Variants in ST6GALNAC3 observed in about 807,000 individuals in gnomAD.
ST6GALNAC3 encodes ST6 N-acetylgalactosaminide alpha-2,6-sialyltransferase 3.
In ST6GALNAC3, 25 loss-of-function variants were observed where a neutral mutation model predicts 32.7. The ratio of observed to expected loss-of-function variants is 0.76; its 90% CI spans 0.56 to 1.07. The LOEUF (loss-of-function observed/expected upper bound fraction) is 1.07, where lower values mean the gene tolerates loss of function less well. ST6GALNAC3 is among the 50% of genes least tolerant of loss of function. The probability of loss-of-function intolerance (pLI) is 0.00; values close to 1 mark genes in which losing one functional copy is unlikely to be tolerated. For missense variants in ST6GALNAC3, 355 were observed against 382.4 expected (o/e 0.93, Z 0.60); for synonymous variants, 129 against 133.1 (o/e 0.97, Z 0.21).
intron 3 of ST6GALNAC3, among the ~76,000 whole-genome samples, chr1:76,563,996 A>G (rs1665402773): frequency 6.6e-6 from 1 of 152,202 alleles, no homozygotes; most frequent in African/African-American, 2.4e-5. Flanking sequence ...GCCAAGAAGT[A>G]GACAAGAGGT....
chr1:76,306,015 AC>A, intron 1 of ST6GALNAC3: 1 of 479,038 alleles, frequency 2.1e-6, no homozygotes, highest in Non-Finnish European at 4.2e-6. Flanking sequence ...AAAAACTGGT[AC>A]CAGCCTTAGG....
At chr1:76,495,024 T>G (rs1202484750) in intron 3 of ST6GALNAC3, among the ~76,000 whole-genome samples, 1 of 152,150 alleles carries the variant, frequency 6.6e-6, no homozygotes, top group Admixed American at 6.6e-5. Flanking sequence ...GTCAGTCTTT[T>G]TGTTCTATTC....
chr1:76,389,993 A>G (rs1184382194), intron 2 of ST6GALNAC3, among the ~76,000 whole-genome samples: 1 of 152,142 alleles, frequency 6.6e-6, no homozygotes, highest in East Asian at 1.9e-4. Flanking sequence ...CCACTGATCT[A>G]GTACCGCCTA....
At position 76,258,236 on chromosome 1, in the gene ST6GALNAC3, T is replaced by A. The variant is rs868735717; in HGVS notation, c.19-55569T>A. Among the ~76,000 whole-genome samples the A allele has an allele frequency of 2.3e-4, 35 of 152,218 alleles. 1 individual carries two copies. In the Middle Eastern group the frequency reaches 0.031, roughly 133 times the overall value. ...AATTCAATTGTAAAATAAGATGAGG[T>A]GTTAAGTTTAATTTTTTTGAAGAAG... is the stretch of plus-strand genomic sequence containing the variant. On this transcript the variant is annotated intron_variant, in intron 1 of 4. Transcript: ENST00000328299.
At chr1:76,321,589 AGAG>A (rs1180908177) in intron 2 of ST6GALNAC3, among the ~76,000 whole-genome samples, 1 of 152,164 alleles carries the variant, frequency 6.6e-6, no homozygotes, top group Admixed American at 6.5e-5. Context: ...CTGAAGGAGG[AGAG>A]GAGTAGTCTT....
Position 76,317,110 on chromosome 1 carries a change from T to A in ST6GALNAC3, c.213+3111T>A, listed in dbSNP as rs370964309. 2.1e-3 allele frequency among the ~76,000 whole-genome samples: 315 copies of A among 152,222 alleles called. 1 individual carries two copies. The highest frequency in any genetic ancestry group is 7.1e-3 in the African/African-American group (294 of 41,558). ...AAAACATTAGAACACTCAAAGGGAA[T>A]GACAGATTTTCTCCTAAATTCAAGT... On this transcript the variant is annotated intron_variant, in intron 2 of 4. Coordinates refer to ENST00000328299, the MANE Select transcript of ST6GALNAC3 (RefSeq NM_152996.4).
chr1:76,508,224 G>T (rs529302313), intron 3 of ST6GALNAC3, among the ~76,000 whole-genome samples: 1 of 152,200 alleles, frequency 6.6e-6, no homozygotes, highest in South Asian at 2.1e-4. Flanking sequence ...TAGATCCGTC[G>T]CACGCAGAGT....
intron 2 of ST6GALNAC3, among the ~76,000 whole-genome samples, chr1:76,361,695 A>G (rs1362807540): frequency 6.6e-6 from 1 of 152,108 alleles, no homozygotes; most frequent in African/African-American, 2.4e-5. Flanking sequence ...GAAATACCTG[A>G]GGCCCAGGCA....
intron 3 of ST6GALNAC3, among the ~76,000 whole-genome samples, chr1:76,588,032 C>T (rs974479361): frequency 6.6e-6 from 1 of 152,182 alleles, no homozygotes. Flanking sequence ...ACATACAGAG[C>T]ACATGTTTCT....
chr1:76,577,243 G>C (rs1287453206), intron 3 of ST6GALNAC3: 1 of 1,005,062 alleles, frequency 9.9e-7, no homozygotes, highest in East Asian at 1.0e-4. Flanking sequence ...TTGATTACAG[G>C]ACTACTGAAT....
At chr1:76,274,538 A>G (rs549892561) in intron 1 of ST6GALNAC3, among the ~76,000 whole-genome samples, 10 of 152,348 alleles carry the variant, frequency 6.6e-5, no homozygotes, top group African/African-American at 2.2e-4. Flanking sequence ...AAGCAATTCA[A>G]GAACCTTGAA....
intron 1 of ST6GALNAC3, among the ~76,000 whole-genome samples, chr1:76,118,793 A>G (rs1009777833): frequency 1.3e-5 from 2 of 152,200 alleles, no homozygotes; most frequent in Admixed American, 1.3e-4. Context: ...ATGTGAATAC[A>G]GTTTTCCTGA....
intron 3 of ST6GALNAC3, among the ~76,000 whole-genome samples, chr1:76,599,719 TGTGTGTGTGTGTG>T (rs1647192365): frequency 2.5e-4 from 9 of 35,912 alleles, no homozygotes; most frequent in African/African-American, 4.7e-4. Flanking sequence ...TACCGTATCG[TGTGTGTGTGTGTG>T]TGTGTGTGTG....
chr1:76,255,092 A>G (rs1373293375), intron 1 of ST6GALNAC3, among the ~76,000 whole-genome samples: 3 of 151,684 alleles, frequency 2.0e-5, no homozygotes, highest in Non-Finnish European at 2.9e-5. Flanking sequence ...ACCTAGCACA[A>G]GTGACACCAT....
At chr1:76,240,238 T>C (rs912492096) in intron 1 of ST6GALNAC3, among the ~76,000 whole-genome samples, 2 of 152,226 alleles carry the variant, frequency 1.3e-5, no homozygotes, top group African/African-American at 2.4e-5. Context: ...CTGGAAAGAA[T>C]AAAATATGTA....
At chr1:76,197,227 G>T (rs1007922467) in intron 1 of ST6GALNAC3, among the ~76,000 whole-genome samples, 1 of 152,204 alleles carries the variant, frequency 6.6e-6, no homozygotes, top group African/African-American at 2.4e-5. Context: ...TGTGCTAAAT[G>T]AAGAGTGTTG....
chr1:76,469,123 T>G (rs1470540230), intron 3 of ST6GALNAC3, among the ~76,000 whole-genome samples: 1 of 152,090 alleles, frequency 6.6e-6, no homozygotes, highest in Admixed American at 6.6e-5. Flanking sequence ...TTCCTCTGAT[T>G]ATGTGTTGTA....
intron 3 of ST6GALNAC3, among the ~76,000 whole-genome samples, chr1:76,524,435 G>A (rs188877073): frequency 2.0e-5 from 3 of 152,156 alleles, no homozygotes; most frequent in Admixed American, 2.0e-4. Flanking sequence ...GACTATATAT[G>A]TTATAGTTAT....
At chr1:76,272,479 A>G (rs898686677) in intron 1 of ST6GALNAC3, among the ~76,000 whole-genome samples, 5 of 152,184 alleles carry the variant, frequency 3.3e-5, no homozygotes, top group African/African-American at 1.2e-4. Flanking sequence ...TGACTTCTCC[A>G]AGGTCATTAG....
Sources: allele counts gnomAD v4.1 joint callset (sites outside exome capture counted in the v4.1 genomes callset), GRCh38; gene constraint gnomAD v4.1.1; transcripts MANE v1.5; gene names NCBI Gene and HGNC (gene_info 2026-07-23, HGNC 2026-07-21).